Variants in EPHB1 observed in about 807,000 individuals in gnomAD.
The protein encoded by EPHB1 is ephrin type-B receptor 1.
A neutral mutation model predicts 94.4 loss-of-function variants in EPHB1; 30 were observed. The observed-to-expected ratio is 0.32, with a 90% CI of 0.24 to 0.43. The LOEUF is 0.43. EPHB1 is among the 20% of genes least tolerant of loss of function. The pLI, the probability that EPHB1 is intolerant of heterozygous loss-of-function variation, is 1.00. For missense variants in EPHB1, 1,055 were observed against 1,308.3 expected, an observed-to-expected ratio of 0.81 and a Z score of 2.99; for synonymous variants, 522 against 489.1, an observed-to-expected ratio of 1.07 and a Z score of -0.89.
intron 3 of EPHB1, among the ~76,000 whole-genome samples, chr3:135,043,450 G>A (rs1936910877): frequency 6.6e-6 from 1 of 152,088 alleles, no homozygotes; most frequent in Non-Finnish European, 1.5e-5. Flanking sequence ...TATGAGAAAG[G>A]TCTGTGGGCC....
At chr3:135,247,517 G>A (rs1943955613) in intron 13 of EPHB1, among the ~76,000 whole-genome samples, 1 of 152,100 alleles carries the variant, frequency 6.6e-6, no homozygotes, top group Non-Finnish European at 1.5e-5. Flanking sequence ...AGGCATAATT[G>A]ATTTAAATGC....
chr3:134,906,261 A>G (rs182351030), intron 1 of EPHB1, among the ~76,000 whole-genome samples: 4 of 152,352 alleles, frequency 2.6e-5, no homozygotes, highest in Non-Finnish European at 5.9e-5. Context: ...ATCATAGATC[A>G]GAATTAGGCC....
chr3:135,183,226 CCCTT>C (rs1309675888), intron 10 of EPHB1, among the ~76,000 whole-genome samples: 1 of 135,738 alleles, frequency 7.4e-6, no homozygotes, highest in Admixed American at 7.5e-5. Context: ...CTCCCTCCCT[CCCTT>C]CCTCCCTCCC....
intron 1 of EPHB1, among the ~76,000 whole-genome samples, chr3:134,864,001 A>T (rs9809460): frequency 6.6e-6 from 1 of 152,194 alleles, no homozygotes; most frequent in Non-Finnish European, 1.5e-5. Flanking sequence ...TCTACAGCAT[A>T]CCCGCTGGTG....
At chr3:135,126,680 C>A (rs905399128) in intron 4 of EPHB1, among the ~76,000 whole-genome samples, 8 of 152,180 alleles carry the variant, frequency 5.3e-5, no homozygotes, top group African/African-American at 1.7e-4. Context: ...GTGACAGGTA[C>A]CAGAGATCAT....
intron 3 of EPHB1, among the ~76,000 whole-genome samples, chr3:135,084,101 A>T (rs1270893188): frequency 6.6e-6 from 1 of 152,210 alleles, no homozygotes; most frequent in East Asian, 1.9e-4. Flanking sequence ...AGAAAAATGA[A>T]ATAAAAGTAA....
At chr3:135,250,177 T>G (rs115336875) in intron 15 of EPHB1, among the ~76,000 whole-genome samples, 9,439 of 152,254 alleles carry the variant, frequency 0.062, 407 homozygotes, top group Middle Eastern at 0.12. Context: ...CTCTTGGAGA[T>G]TCACTGCTCA....
chr3:135,002,937 G>GT (rs1935238539), intron 3 of EPHB1, among the ~76,000 whole-genome samples: 1 of 151,976 alleles, frequency 6.6e-6, no homozygotes, highest in African/African-American at 2.4e-5. Flanking sequence ...TTTTTGAAGG[G>GT]TTTTTTGTGT....
At chr3:134,845,942 A>G (rs1051937004) in intron 1 of EPHB1, among the ~76,000 whole-genome samples, 2 of 151,554 alleles carry the variant, frequency 1.3e-5, no homozygotes, top group African/African-American at 4.9e-5. Flanking sequence ...ACACAGACAC[A>G]TGCTGGGAGG....
intron 3 of EPHB1, among the ~76,000 whole-genome samples, chr3:134,962,343 T>C (rs1314694465): frequency 2.0e-5 from 3 of 152,210 alleles, no homozygotes; most frequent in Non-Finnish European, 4.4e-5. Flanking sequence ...TCCTTCACTC[T>C]CTTCTGTCCC....
chr3:134,882,865 C>T (rs931066873), intron 1 of EPHB1, among the ~76,000 whole-genome samples: 1 of 136,342 alleles, frequency 7.3e-6, no homozygotes, highest in African/African-American at 2.6e-5. Flanking sequence ...GACTGTCACC[C>T]AGGCTAGAGT....
intron 2 of EPHB1, among the ~76,000 whole-genome samples, chr3:134,935,982 G>C (rs1428817575): frequency 1.3e-5 from 2 of 152,090 alleles, no homozygotes; most frequent in Non-Finnish European, 2.9e-5. Flanking sequence ...TTTCCAAAGA[G>C]CTATTATCCA....
chr3:135,228,958 C>G (rs201706575), intron 12 of EPHB1, among the ~76,000 whole-genome samples: 155 of 152,296 alleles, frequency 1.0e-3, no homozygotes, highest in African/African-American at 3.2e-3. Context: ...AGCACCCCCC[C>G]ACTTTTTACC....
chr3:135,032,908 C>T (rs2107761590), intron 3 of EPHB1, among the ~76,000 whole-genome samples: 1 of 152,302 alleles, frequency 6.6e-6, no homozygotes, highest in South Asian at 2.1e-4. Context: ...CTCCTCTCTT[C>T]AAAAATGTGT....
intron 3 of EPHB1, among the ~76,000 whole-genome samples, chr3:135,035,883 ATAGGG>A (rs1436700882): frequency 6.8e-6 from 1 of 146,908 alleles, no homozygotes; most frequent in South Asian, 2.2e-4. Context: ...AGTTTGGTCC[ATAGGG>A]TAGTTGGCTC....
intron 1 of EPHB1, among the ~76,000 whole-genome samples, chr3:134,860,778 A>G (rs950043917): frequency 5.2e-5 from 6 of 115,960 alleles, no homozygotes; most frequent in Non-Finnish European, 1.0e-4. Context: ...GTGCCACTGC[A>G]CTCCAGCCTG....
chr3:135,250,701 T>TCAAA (rs1482244588), intron 15 of EPHB1, among the ~76,000 whole-genome samples: 6 of 152,140 alleles, frequency 3.9e-5, no homozygotes, highest in African/African-American at 1.4e-4. Context: ...ACTCTACCCT[T>TCAAA]CAAACACACA....
chr3:135,022,263 C>G (rs1341084742), intron 3 of EPHB1, among the ~76,000 whole-genome samples: 1 of 152,226 alleles, frequency 6.6e-6, no homozygotes, highest in African/African-American at 2.4e-5. Context: ...AGCCACCGCG[C>G]CCGGCCTGTT....
chr3:134,824,754 C>T (rs753300122), intron 1 of EPHB1, among the ~76,000 whole-genome samples: 2 of 152,156 alleles, frequency 1.3e-5, no homozygotes, highest in Non-Finnish European at 1.5e-5. Flanking sequence ...GGAACCTAGT[C>T]GCTGTGTTGT....
Sources: gnomAD v4.1 joint callset for allele counts (sites outside exome capture counted in the v4.1 genomes callset) on GRCh38, gnomAD v4.1.1 for gene constraint, MANE v1.5 for transcripts, NCBI Gene and HGNC (gene_info 2026-07-23, HGNC 2026-07-21) for gene names.